PCDHGA12: variants seen among roughly 807,000 people sequenced by gnomAD.
PCDHGA12 encodes the protein protocadherin gamma-A12.
Under a neutral mutation model 61.1 loss-of-function variants are expected in PCDHGA12, and 43 were observed. The ratio of observed to expected loss-of-function variants is 0.70; its 90% CI spans 0.55 to 0.91. PCDHGA12 has a LOEUF of 0.91. Among genes scored for constraint, PCDHGA12 ranks in the 40% least tolerant of loss-of-function variants. The probability of loss-of-function intolerance (pLI) is 0.00; values close to 1 mark genes in which losing one functional copy is unlikely to be tolerated. For synonymous variants in PCDHGA12, 520 were observed against 542.9 expected (o/e 0.96, Z 0.59); for missense variants, 1,236 against 1,227.7 (o/e 1.01, Z -0.10).
chr5:141,477,453 A>G lies in PCDHGA12; in HGVS notation c.2425-17354A>G, dbSNP rs886363658. 1 of 1,614,018 alleles carries G rather than the reference A, an allele frequency of 6.2e-7. No homozygotes were observed. Among genetic ancestry groups the G allele is most frequent in the African/African-American group, 1.3e-5 (1 of 74,910 alleles). The stretch of plus-strand genomic sequence containing the variant: ...TCAGCCCTTACAATAGTGCGTGTTC[A>G]AGTGTCCGACATCAATGACAACCCT... On this transcript the variant is annotated intron_variant, in intron 1 of 3. Coordinates refer to ENST00000252085, the MANE Select transcript of PCDHGA12 (RefSeq NM_003735.3). This position sits in a 1 kb window ranked among gnomAD's most constrained non-coding sequence, Gnocchi z 4.9.
rs140440273 is a variant in PCDHGA12 at position 141,430,854 on chromosome 5, G to A, written c.95G>A (p.Arg32His). 8 of 1,587,648 alleles carry A rather than the reference G, an allele frequency of 5.0e-6. No homozygotes were observed. Among genetic ancestry groups the A allele is most frequent in the Middle Eastern group, 1.7e-4 (1 of 5,918 alleles). The change falls in exon 1 of 4, where the codon CGC (arginine) becomes CAC (histidine). Residue 32 changes from arginine (R) to histidine (H), a missense_variant. Physicochemically the swap from Arg to His is conservative, Grantham distance 29. Transcript: ENST00000252085. ...TGGGAGACCGGATGCACCCAGATAC[G>A]CTATTCAGTTCCGGAAGAGCTGGAG... is the stretch of plus-strand genomic sequence containing the variant. ...TLWETGCTQI[R>H]YSVPEELEKG...
intron 1 of PCDHGA12, among the ~76,000 whole-genome samples, chr5:141,469,864 C>T (rs963843852): frequency 6.6e-6 from 1 of 152,218 alleles, no homozygotes; most frequent in African/African-American, 2.4e-5. Flanking sequence ...GGTGCAATGG[C>T]TCACGCCTGT....
At chr5:141,474,524 C>G (rs1260642402) in intron 1 of PCDHGA12, among the ~76,000 whole-genome samples, 1 of 152,170 alleles carries the variant, frequency 6.6e-6, no homozygotes, top group Non-Finnish European at 1.5e-5. Flanking sequence ...GCTGGTCTGG[C>G]TAATTATCAA....
At position 141,512,903 on chromosome 5, in the gene PCDHGA12, CAA is replaced by C. The variant is rs2099884494; in HGVS notation, c.*1731_*1732del. The C allele has an allele frequency of 6.6e-6, 1 of 152,224 alleles. No individual in the cohort carries two copies. Among genetic ancestry groups the C allele is most frequent in the African/African-American group, 2.4e-5 (1 of 41,452 alleles). 9.4% of individuals were successfully genotyped at this position (152,224 alleles called of 1,614,324 possible). On this transcript the variant is annotated 3_prime_UTR_variant, in exon 4 of 4. Transcript: ENST00000252085. ...CCCCACCCTCTTCCTGTGTCTCACG[CAA>C]GTTTTATACTCTAATATTTATATGG...
At chr5:141,458,438 C>T (rs2098945825) in intron 1 of PCDHGA12, among the ~76,000 whole-genome samples, 1 of 152,024 alleles carries the variant, frequency 6.6e-6, no homozygotes, top group Non-Finnish European at 1.5e-5. Flanking sequence ...GAGGAGGTCC[C>T]CCACATTAAC....
chr5:141,500,340 C>T (rs188966393), intron 2 of PCDHGA12, among the ~76,000 whole-genome samples: 1 of 151,950 alleles, frequency 6.6e-6, no homozygotes, highest in East Asian at 1.9e-4. Flanking sequence ...TCCAGAATAG[C>T]TGGGACTACA....
At chr5:141,484,889 TC>T (rs1312115219) in intron 1 of PCDHGA12, 2 of 362,958 alleles carry the variant, frequency 5.5e-6, no homozygotes, top group Admixed American at 8.9e-5. Flanking sequence ...GTGGGCTTTT[TC>T]CCCTCCAATG....
chr5:141,501,335 C>CA (rs2099808433), intron 2 of PCDHGA12, among the ~76,000 whole-genome samples: 1 of 135,634 alleles, frequency 7.4e-6, no homozygotes, highest in Non-Finnish European at 1.6e-5. Context: ...ACACACACAC[C>CA]CCAAACTCAA....
Position 141,431,423 on chromosome 5 carries a change from C to A in PCDHGA12, c.664C>A (p.Arg222Ser), listed in dbSNP as rs868299769. 20 of 1,613,552 alleles carry A rather than the reference C, an allele frequency of 1.2e-5. No individual in the cohort carries two copies. In the Admixed American group the frequency reaches 2.2e-4, roughly 17 times the overall value. The part of the protein sequence containing the change: ...LTASDGGDPV[R>S]TGTARIRVMV... ...GGCCTCCGACGGGGGCGACCCGGTG[C>A]GCACAGGCACCGCGCGCATCCGCGT... The change falls in exon 1 of 4, where the codon CGC (arginine) becomes AGC (serine). Residue 222 changes from arginine (R) to serine (S), a missense_variant. Arg to Ser is a moderately radical substitution (Grantham distance 110, BLOSUM62 -1). Coordinates refer to ENST00000252085, the MANE Select transcript of PCDHGA12 (RefSeq NM_003735.3). The surrounding 1 kb of genome is among the most constrained non-coding windows in gnomAD (Gnocchi z 4.8).
At chr5:141,464,426 G>GAT (rs1287556960) in intron 1 of PCDHGA12, among the ~76,000 whole-genome samples, 1 of 151,096 alleles carries the variant, frequency 6.6e-6, no homozygotes, top group African/African-American at 2.4e-5. Flanking sequence ...TATATATATA[G>GAT]ATATATATGT....
Position 141,477,376 on chromosome 5 carries a change from G to A in PCDHGA12, c.2425-17431G>A. The A allele has an allele frequency of 6.2e-7, 1 of 1,614,146 alleles. No homozygotes were observed. Among genetic ancestry groups the A allele is most frequent in the Non-Finnish European group, 8.5e-7 (1 of 1,180,026 alleles). ...GTGCAGACCTGGATCGGGAGACTGT[G>A]CCAGAATACAACCTCAGCATCACCG... On this transcript the variant is annotated intron_variant, in intron 1 of 3. Transcript: ENST00000252085. This position sits in a 1 kb window ranked among gnomAD's most constrained non-coding sequence, Gnocchi z 4.9.
chr5:141,510,141 T>C (rs1596266322), intron 3 of PCDHGA12, among the ~76,000 whole-genome samples: 1 of 152,014 alleles, frequency 6.6e-6, no homozygotes. Flanking sequence ...GGGCTAGTGG[T>C]GTGCACCTGT....
At chr5:141,504,303 G>A (rs1157625808) in intron 2 of PCDHGA12, among the ~76,000 whole-genome samples, 4 of 151,938 alleles carry the variant, frequency 2.6e-5, no homozygotes, top group Admixed American at 2.6e-4. Context: ...TTCAACACTC[G>A]GAGTTTCTAA....
At position 141,487,499 on chromosome 5, in the gene PCDHGA12, G is replaced by C; in HGVS notation, c.2425-7308G>C. 6.2e-7 allele frequency: 1 copy of C among 1,614,152 alleles called. No individual in the cohort carries two copies. The highest frequency in any genetic ancestry group is 1.3e-5 in the African/African-American group (1 of 75,042). ...CCACTCTCATGGCTGTACACCCTTG[G>C]CTTCTGCACCCACTCGGAGTGATAG... On this transcript the variant is annotated intron_variant, in intron 1 of 3. Coordinates refer to ENST00000252085, the MANE Select transcript of PCDHGA12 (RefSeq NM_003735.3). The surrounding 1 kb of genome is among the most constrained non-coding windows in gnomAD (Gnocchi z 5.0).
intron 2 of PCDHGA12, among the ~76,000 whole-genome samples, chr5:141,498,604 C>G (rs1445417630): frequency 6.6e-6 from 1 of 152,122 alleles, no homozygotes; most frequent in East Asian, 1.9e-4. Flanking sequence ...GGTTCAAGTT[C>G]AAGTCAGCAC....
intron 1 of PCDHGA12, among the ~76,000 whole-genome samples, chr5:141,482,875 C>T (rs2099573976): frequency 6.6e-6 from 1 of 151,958 alleles, no homozygotes; most frequent in African/African-American, 2.4e-5. Context: ...AGTTTGAAAC[C>T]AGCCTGGCCA....
intron 2 of PCDHGA12, among the ~76,000 whole-genome samples, chr5:141,497,390 C>T (rs2099776143): frequency 6.6e-6 from 1 of 152,158 alleles, no homozygotes; most frequent in Non-Finnish European, 1.5e-5. Context: ...GAGCACCTTA[C>T]CCCTGCCTCA....
chr5:141,477,749 C>A lies in PCDHGA12; in HGVS notation c.2425-17058C>A, dbSNP rs2099417192. The A allele has an allele frequency of 6.2e-7, 1 of 1,613,786 alleles. No homozygotes were observed. Among genetic ancestry groups the A allele is most frequent in the African/African-American group, 1.3e-5 (1 of 74,928 alleles). ...AGCTCATATCAGCGATGGGGGCACCCCGGTCCTAGCCACCAACATCAGCGT... is the reference window on the plus strand; with the variant it reads ...AGCTCATATCAGCGATGGGGGCACCACGGTCCTAGCCACCAACATCAGCGT... On this transcript the variant is annotated intron_variant, in intron 1 of 3. Coordinates refer to ENST00000252085, the MANE Select transcript of PCDHGA12 (RefSeq NM_003735.3). This position sits in a 1 kb window ranked among gnomAD's most constrained non-coding sequence, Gnocchi z 4.9.
intron 1 of PCDHGA12, among the ~76,000 whole-genome samples, chr5:141,450,162 A>T (rs2098671900): frequency 6.6e-6 from 1 of 151,624 alleles, no homozygotes; most frequent in Admixed American, 6.6e-5. Flanking sequence ...ATGTGCCACC[A>T]CACTCCCACC....
Sources: allele counts gnomAD v4.1 joint callset (sites outside exome capture counted in the v4.1 genomes callset), GRCh38; gene constraint gnomAD v4.1.1; non-coding constraint Gnocchi (gnomAD v3.1); transcripts MANE v1.5; gene names NCBI Gene and HGNC (gene_info 2026-07-23, HGNC 2026-07-21).